The following PRKCE variants were observed in gnomAD, a reference collection of about 807,000 sequenced individuals.
The protein encoded by PRKCE is protein kinase C epsilon, also known as protein kinase C epsilon type.
PRKCE carries 16 observed loss-of-function variants against 85.4 expected under a neutral mutation model. The observed-to-expected ratio is 0.19, with a 90% CI of 0.13 to 0.28. PRKCE has a LOEUF of 0.28. Ranked by LOEUF, PRKCE falls within the 10% of genes least tolerant of loss-of-function variation. The pLI is 1.00. For missense variants in PRKCE, 573 were observed against 975.2 expected, an observed-to-expected ratio of 0.59 and a Z score of 5.49; for synonymous variants, 388 against 371.5, an observed-to-expected ratio of 1.04 and a Z score of -0.51.
At chr2:45,800,769 G>C (rs1342566861) in intron 1 of PRKCE, among the ~76,000 whole-genome samples, 1 of 152,196 alleles carries the variant, frequency 6.6e-6, no homozygotes, top group Non-Finnish European at 1.5e-5. Context: ...ACTAACAGTA[G>C]AGCTGGCTTC....
At chr2:45,730,242 T>G (rs1681449859) in intron 1 of PRKCE, among the ~76,000 whole-genome samples, 1 of 152,024 alleles carries the variant, frequency 6.6e-6, no homozygotes, top group Admixed American at 6.6e-5. Flanking sequence ...AACCTCAAGT[T>G]TTTGGGCTCA....
intron 10 of PRKCE, among the ~76,000 whole-genome samples, chr2:46,014,888 G>A (rs1165392210): frequency 6.6e-6 from 1 of 152,198 alleles, no homozygotes; most frequent in Non-Finnish European, 1.5e-5. Context: ...AATCTCATTT[G>A]TATTATTTTT....
chr2:45,721,690 A>G (rs1478667031), intron 1 of PRKCE, among the ~76,000 whole-genome samples: 2 of 152,284 alleles, frequency 1.3e-5, no homozygotes, highest in East Asian at 1.9e-4. Flanking sequence ...CCACCTGGGC[A>G]ACAAGCTAAA....
At chr2:45,792,102 T>G (rs927092768) in intron 1 of PRKCE, among the ~76,000 whole-genome samples, 3 of 152,212 alleles carry the variant, frequency 2.0e-5, no homozygotes, top group African/African-American at 7.2e-5. Context: ...TCCAGAAGCC[T>G]GGTGCTGGCA....
chr2:46,107,778 G>C (rs1490500280), intron 11 of PRKCE, among the ~76,000 whole-genome samples: 1 of 152,114 alleles, frequency 6.6e-6, no homozygotes, highest in Non-Finnish European at 1.5e-5. Flanking sequence ...GTGTCTAATT[G>C]TTGTAATTTG....
chr2:46,014,944 G>A (rs942213407), intron 10 of PRKCE, among the ~76,000 whole-genome samples: 1 of 152,142 alleles, frequency 6.6e-6, no homozygotes, highest in Non-Finnish European at 1.5e-5. Flanking sequence ...CTTCTTCCAA[G>A]GAAATGATAA....
At chr2:45,791,769 G>A (rs1260966472) in intron 1 of PRKCE, among the ~76,000 whole-genome samples, 1 of 152,194 alleles carries the variant, frequency 6.6e-6, no homozygotes, top group African/African-American at 2.4e-5. Context: ...GGGTCACTGA[G>A]GCTCAGATGC....
chr2:46,054,534 T>A (rs956325640), intron 10 of PRKCE, among the ~76,000 whole-genome samples: 1 of 152,192 alleles, frequency 6.6e-6, no homozygotes, highest in African/African-American at 2.4e-5. Context: ...CAAAAAATCT[T>A]CCATTCTTAG....
chr2:45,801,227 A>G (rs1384868988), intron 1 of PRKCE, among the ~76,000 whole-genome samples: 1 of 152,196 alleles, frequency 6.6e-6, no homozygotes, highest in African/African-American at 2.4e-5. Flanking sequence ...ATGGGGTACC[A>G]TAGAAGAGTG....
intron 10 of PRKCE, among the ~76,000 whole-genome samples, chr2:46,063,151 G>A (rs767753078): frequency 6.6e-6 from 1 of 152,166 alleles, no homozygotes; most frequent in Non-Finnish European, 1.5e-5. Flanking sequence ...GTGGGCCAAG[G>A]TTGGACCCTG....
At chr2:46,182,845 AC>A (rs1407660807) in intron 14 of PRKCE, among the ~76,000 whole-genome samples, 4 of 152,224 alleles carry the variant, frequency 2.6e-5, no homozygotes, top group African/African-American at 9.6e-5. Flanking sequence ...TAGTGGTGTT[AC>A]CAAAATGTCT....
At chr2:46,012,266 CT>C (rs1306822676) in intron 10 of PRKCE, among the ~76,000 whole-genome samples, 1 of 151,966 alleles carries the variant, frequency 6.6e-6, no homozygotes, top group African/African-American at 2.4e-5. Context: ...GTCACCTTAT[CT>C]TTCTTTATCT....
At chr2:45,659,251 C>T (rs1298962306) in intron 1 of PRKCE, among the ~76,000 whole-genome samples, 2 of 152,194 alleles carry the variant, frequency 1.3e-5, no homozygotes, top group East Asian at 1.9e-4. Flanking sequence ...ATGGCAACTC[C>T]ATCCTTCCAA....
chr2:46,092,370 T>A (rs1670251552), intron 11 of PRKCE, among the ~76,000 whole-genome samples: 1 of 152,098 alleles, frequency 6.6e-6, no homozygotes, highest in Non-Finnish European at 1.5e-5. Flanking sequence ...TGAGCCCTTA[T>A]CATCATTCCC....
chr2:45,779,602 G>C (rs1029369689), intron 1 of PRKCE, among the ~76,000 whole-genome samples: 1 of 133,528 alleles, frequency 7.5e-6, no homozygotes, highest in Non-Finnish European at 1.6e-5. Flanking sequence ...ATATATTAAA[G>C]TAAAAAAAAA....
chr2:45,823,686 C>T (rs1275841166), intron 1 of PRKCE, among the ~76,000 whole-genome samples: 1 of 152,244 alleles, frequency 6.6e-6, no homozygotes, highest in African/African-American at 2.4e-5. Flanking sequence ...AGGAGAGCAG[C>T]TTCCATCTGC....
rs895207685 is a variant in PRKCE at position 45,802,916 on chromosome 2, C to T, written c.349-40084C>T. On this transcript the variant is annotated intron_variant, in intron 1 of 14. Coordinates refer to ENST00000306156, the MANE Select transcript of PRKCE (RefSeq NM_005400.3). ...GTTTTTAGTCACCAACTGTAGAACACAGCTCGCTTCTGGATATGATGCAAT... is the reference window on the plus strand; with the variant it reads ...GTTTTTAGTCACCAACTGTAGAACATAGCTCGCTTCTGGATATGATGCAAT... Among the ~76,000 whole-genome samples the T allele has an allele frequency of 2.6e-5, 4 of 152,354 alleles. No homozygotes were observed. In the East Asian group the frequency reaches 7.7e-4, roughly 29 times the overall value.
intron 1 of PRKCE, among the ~76,000 whole-genome samples, chr2:45,725,986 A>T (rs1681038682): frequency 6.6e-6 from 1 of 152,184 alleles, no homozygotes. Flanking sequence ...TGGGAAAGTC[A>T]CTGCAGATGT....
chr2:46,123,171 C>T (rs1232871415), intron 11 of PRKCE, among the ~76,000 whole-genome samples: 3 of 68,800 alleles, frequency 4.4e-5, no homozygotes, highest in Non-Finnish European at 8.8e-5. Flanking sequence ...AAAAAATGTG[C>T]AAATACAAGG....
Sources: allele counts gnomAD v4.1 joint callset (sites outside exome capture counted in the v4.1 genomes callset), GRCh38; gene constraint gnomAD v4.1.1; transcripts MANE v1.5; gene names NCBI Gene and HGNC (gene_info 2026-07-23, HGNC 2026-07-21).